The following DLGAP1 variants were observed in gnomAD, a reference collection of about 807,000 sequenced individuals.
The protein encoded by DLGAP1 is DLG associated protein 1.
Under a neutral mutation model 90.8 loss-of-function variants are expected in DLGAP1, and 11 were observed. The ratio of observed to expected loss-of-function variants is 0.12; its 90% confidence interval spans 0.08 to 0.20. The LOEUF is 0.20. Among genes scored for constraint, DLGAP1 ranks in the 10% least tolerant of loss-of-function variants. DLGAP1 has a pLI of 1.00. For missense variants in DLGAP1, 1,050 were observed against 1,333.8 expected (o/e 0.79, Z 3.31); for synonymous variants, 558 against 540.7 (o/e 1.03, Z -0.44).
At chr18:4,352,797 G>A (rs1198918734) in intron 1 of DLGAP1, among the ~76,000 whole-genome samples, 3 of 152,004 alleles carry the variant, frequency 2.0e-5, no homozygotes, top group Admixed American at 6.6e-5. Context: ...CAGTCTTTAC[G>A]CTTATTTGAC....
chr18:4,063,378 A>G (rs2143330220), intron 2 of DLGAP1, among the ~76,000 whole-genome samples: 1 of 152,268 alleles, frequency 6.6e-6, no homozygotes, highest in Middle Eastern at 3.4e-3. Context: ...CTAGCAGGAA[A>G]GTCTCTTATT....
rs569946027 is a variant in DLGAP1 at position 4,396,148 on chromosome 18, C to A, written c.-267+58858G>T. Among the ~76,000 whole-genome samples, 9 of 152,172 alleles carry A rather than the reference C, an allele frequency of 5.9e-5. No homozygotes were observed. In the East Asian group the frequency reaches 1.7e-3, roughly 29 times the overall value. On this transcript the variant is annotated intron_variant, in intron 1 of 12. Coordinates refer to ENST00000315677, the MANE Select transcript of DLGAP1 (RefSeq NM_004746.4). The stretch of plus-strand genomic sequence containing the variant: ...ATTTGCCTCTATGACTTAGTAAGAG[C>A]AAATACAAATTTAACATTCAATCCC...
chr18:3,584,150 A>G (rs2055737642), intron 7 of DLGAP1, among the ~76,000 whole-genome samples: 1 of 152,214 alleles, frequency 6.6e-6, no homozygotes, highest in Admixed American at 6.5e-5. Flanking sequence ...GAAAATAAGG[A>G]TCAAAAATGA....
intron 5 of DLGAP1, among the ~76,000 whole-genome samples, chr18:3,765,547 G>C (rs371737223): frequency 1.3e-5 from 2 of 151,752 alleles, no homozygotes; most frequent in African/African-American, 4.8e-5. Flanking sequence ...TGTACAAAGA[G>C]ATATACTCGG....
intron 2 of DLGAP1, among the ~76,000 whole-genome samples, chr18:4,040,707 G>A (rs2074961621): frequency 6.6e-6 from 1 of 152,144 alleles, no homozygotes; most frequent in Non-Finnish European, 1.5e-5. Flanking sequence ...AGGAGATGAA[G>A]TTCTGGAAGA....
At chr18:3,924,536 A>G (rs1339720210) in intron 3 of DLGAP1, among the ~76,000 whole-genome samples, 1 of 152,236 alleles carries the variant, frequency 6.6e-6, no homozygotes, top group East Asian at 1.9e-4. Flanking sequence ...GGGGAAAAAG[A>G]AACCCTACAA....
intron 5 of DLGAP1, among the ~76,000 whole-genome samples, chr18:3,800,132 T>G (rs2066218350): frequency 6.6e-6 from 1 of 152,244 alleles, no homozygotes; most frequent in South Asian, 2.1e-4. Context: ...ATGATTATAC[T>G]TTCCTATTTT....
intron 3 of DLGAP1, among the ~76,000 whole-genome samples, chr18:3,998,748 G>A (rs4624289): frequency 1.3e-5 from 2 of 151,976 alleles, no homozygotes; most frequent in African/African-American, 2.4e-5. Context: ...TTCATTTGCT[G>A]TATTCATAAT....
chr18:4,018,861 C>T (rs1007090966), intron 2 of DLGAP1, among the ~76,000 whole-genome samples: 5 of 152,184 alleles, frequency 3.3e-5, no homozygotes, highest in Admixed American at 6.5e-5. Context: ...GGAAAAGGTA[C>T]TCCGATTTGG....
chr18:4,276,528 T>A (rs973824953), intron 1 of DLGAP1, among the ~76,000 whole-genome samples: 3 of 151,798 alleles, frequency 2.0e-5, no homozygotes, highest in African/African-American at 4.8e-5. Context: ...CCCAGCTACT[T>A]GGGAGGCTGA....
intron 1 of DLGAP1, among the ~76,000 whole-genome samples, chr18:4,438,253 T>C (rs187360445): frequency 6.1e-4 from 92 of 151,994 alleles, no homozygotes; most frequent in African/African-American, 1.9e-3. Flanking sequence ...AATCAACAAA[T>C]GTTGTGAAGT....
At chr18:3,668,327 T>C (rs1007698168) in intron 7 of DLGAP1, among the ~76,000 whole-genome samples, 1 of 152,128 alleles carries the variant, frequency 6.6e-6, no homozygotes, top group African/African-American at 2.4e-5. Flanking sequence ...TTCCATGTTT[T>C]CTAGAGACAG....
intron 12 of DLGAP1, among the ~76,000 whole-genome samples, chr18:3,501,540 T>C (rs909328581): frequency 2.6e-5 from 4 of 152,126 alleles, no homozygotes; most frequent in Non-Finnish European, 5.9e-5. Context: ...TGGGACTGGA[T>C]TTTTCCTGGG....
At chr18:4,153,495 C>T (rs1033822205) in intron 1 of DLGAP1, among the ~76,000 whole-genome samples, 3 of 152,164 alleles carry the variant, frequency 2.0e-5, no homozygotes, top group African/African-American at 4.8e-5. Context: ...CTTTTCCTTA[C>T]CCCAAGTGTC....
At chr18:3,604,539 G>T (rs1052473085) in intron 7 of DLGAP1, among the ~76,000 whole-genome samples, 3 of 151,886 alleles carry the variant, frequency 2.0e-5, no homozygotes, top group East Asian at 3.9e-4. Flanking sequence ...TTCACTTAAG[G>T]TTCCCCATCT....
At chr18:3,712,192 G>T (rs2061616520) in intron 7 of DLGAP1, among the ~76,000 whole-genome samples, 1 of 152,190 alleles carries the variant, frequency 6.6e-6, no homozygotes, top group Admixed American at 6.5e-5. Flanking sequence ...GAGAAATGCA[G>T]CCCCACCTTT....
chr18:3,596,788 T>A (rs1251818282), intron 7 of DLGAP1: 1 of 515,606 alleles, frequency 1.9e-6, no homozygotes, highest in Non-Finnish European at 3.9e-6. Context: ...GGGGCAGGAG[T>A]AAAGTGGACA....
At chr18:3,826,705 T>C (rs2067734906) in intron 4 of DLGAP1, among the ~76,000 whole-genome samples, 2 of 152,082 alleles carry the variant, frequency 1.3e-5, no homozygotes, top group South Asian at 2.1e-4. Context: ...GGCTGTGGCA[T>C]GTACTTGGGG....
intron 3 of DLGAP1, among the ~76,000 whole-genome samples, chr18:3,999,002 T>C (rs1416662828): frequency 2.0e-5 from 3 of 152,164 alleles, no homozygotes; most frequent in African/African-American, 4.8e-5. Context: ...TATTTTAAAT[T>C]GAATTTTGCT....
Sources: gnomAD v4.1 joint callset for allele counts (sites outside exome capture counted in the v4.1 genomes callset) on GRCh38, gnomAD v4.1.1 for gene constraint, MANE v1.5 for transcripts, NCBI Gene and HGNC (gene_info 2026-07-23, HGNC 2026-07-21) for gene names.